Variants in SUPT3H observed in about 807,000 individuals in gnomAD.
SUPT3H encodes transcription initiation protein SPT3 homolog.
In SUPT3H, 44 loss-of-function variants were observed where a neutral mutation model predicts 44.3. That is an observed-to-expected ratio of 0.99 (90% CI 0.78 to 1.28). The LOEUF is 1.28. Ranked by LOEUF, SUPT3H falls within the 50% of genes most tolerant of loss-of-function variation. The probability of loss-of-function intolerance (pLI) is 0.00; values close to 1 mark genes in which losing one functional copy is unlikely to be tolerated. For missense variants in SUPT3H, 380 were observed against 387.1 expected, an observed-to-expected ratio of 0.98 and a Z score of 0.15; for synonymous variants, 124 against 125.6, an observed-to-expected ratio of 0.99 and a Z score of 0.09.
chr6:44,840,128 C>T lies in SUPT3H; in HGVS notation c.913-10271G>A, dbSNP rs569369512. Among the ~76,000 whole-genome samples, 11 of 152,326 alleles carry T rather than the reference C, an allele frequency of 7.2e-5. 1 individual carries two copies. The South Asian group carries it at 1.0e-3, about 14-fold the overall frequency. ...TGTTATATTTCAATAACTTTTACTG[C>T]GATTTCTTGAGGACCAGCTGCATAA... On this transcript the variant is annotated intron_variant, in intron 10 of 10. Transcript: ENST00000371459.
At chr6:45,018,895 T>C (rs574905004) in intron 4 of SUPT3H, among the ~76,000 whole-genome samples, 3 of 152,188 alleles carry the variant, frequency 2.0e-5, no homozygotes, top group East Asian at 3.9e-4. Flanking sequence ...TCTTTTTCTA[T>C]TGATTGGAAT....
chr6:45,322,998 C>T, intron 2 of SUPT3H: 1 of 1,386,272 alleles, frequency 7.2e-7, no homozygotes, highest in Non-Finnish European at 1.0e-6. Context: ...AACAATTAAG[C>T]AAATCATCCT....
intron 9 of SUPT3H, among the ~76,000 whole-genome samples, chr6:44,940,148 G>C (rs1475157123): frequency 6.6e-6 from 1 of 151,694 alleles, no homozygotes; most frequent in East Asian, 1.9e-4. Context: ...TCATCAATTT[G>C]GGATCTTTCT....
intron 2 of SUPT3H, among the ~76,000 whole-genome samples, chr6:45,178,860 A>C (rs905423556): frequency 1.3e-5 from 2 of 152,014 alleles, no homozygotes; most frequent in African/African-American, 4.8e-5. Flanking sequence ...ATGCTCTTTG[A>C]AACCAACGAG....
intron 2 of SUPT3H, among the ~76,000 whole-genome samples, chr6:45,226,452 T>A (rs987315470): frequency 6.6e-6 from 1 of 152,262 alleles, no homozygotes; most frequent in Non-Finnish European, 1.5e-5. Context: ...TATTAAATTG[T>A]CATGCTTTGG....
chr6:45,002,434 T>C (rs1782128431), intron 6 of SUPT3H, among the ~76,000 whole-genome samples: 1 of 152,032 alleles, frequency 6.6e-6, no homozygotes, highest in African/African-American at 2.4e-5. Flanking sequence ...TATGCTTTAT[T>C]CCTTAATGAA....
At chr6:45,009,189 A>G (rs1336534257) in intron 5 of SUPT3H, among the ~76,000 whole-genome samples, 1 of 152,168 alleles carries the variant, frequency 6.6e-6, no homozygotes, top group Non-Finnish European at 1.5e-5. Flanking sequence ...CCTATCAGAT[A>G]TATAAGAAAA....
At chr6:44,868,332 T>G (rs1281159929) in intron 10 of SUPT3H, among the ~76,000 whole-genome samples, 2 of 152,176 alleles carry the variant, frequency 1.3e-5, no homozygotes, top group African/African-American at 4.8e-5. Context: ...AAACGTAAAG[T>G]AAAATTTAAA....
chr6:45,012,920 A>C (rs1783708258), intron 5 of SUPT3H, among the ~76,000 whole-genome samples: 1 of 152,114 alleles, frequency 6.6e-6, no homozygotes, highest in Non-Finnish European at 1.5e-5. Context: ...AGCCTTGAGT[A>C]TGCAAACAAT....
chr6:45,069,742 A>G (rs116490605), intron 3 of SUPT3H, among the ~76,000 whole-genome samples: 1 of 152,200 alleles, frequency 6.6e-6, no homozygotes, highest in Admixed American at 6.5e-5. Flanking sequence ...TATATTTTGC[A>G]GAGAACTCTT....
At chr6:44,879,742 T>C (rs1777911460) in intron 10 of SUPT3H, among the ~76,000 whole-genome samples, 2 of 152,124 alleles carry the variant, frequency 1.3e-5, no homozygotes, top group South Asian at 4.1e-4. Flanking sequence ...CAGGCAGCAA[T>C]CTTTGCTGTT....
intron 2 of SUPT3H, among the ~76,000 whole-genome samples, chr6:45,255,742 G>A (rs570997355): frequency 3.9e-5 from 6 of 152,080 alleles, no homozygotes; most frequent in African/African-American, 1.4e-4. Flanking sequence ...ACTATTATTG[G>A]CACCATGTTT....
At chr6:45,322,067 C>T (rs980860878) in intron 2 of SUPT3H, among the ~76,000 whole-genome samples, 1 of 151,930 alleles carries the variant, frequency 6.6e-6, no homozygotes, top group African/African-American at 2.4e-5. Context: ...TCCAATGCAG[C>T]ATTTTATAAA....
In SUPT3H at chr6:44,829,766, T is replaced by C. The variant is rs1339880988; in HGVS notation, c.*50A>G. On this transcript the variant is annotated 3_prime_UTR_variant, in exon 11 of 11. Transcript: ENST00000371459. ...TTATTTTGTTCACAAGAAATCACCT[T>C]AATATAACATTGCCTTTCCTGTTGT... 7.5e-6 allele frequency: 12 copies of C among 1,593,136 alleles called. No homozygotes were observed. The highest frequency in any genetic ancestry group is 1.0e-5 in the Non-Finnish European group (12 of 1,164,644).
At chr6:44,985,662 G>C (rs368597237) in intron 6 of SUPT3H, among the ~76,000 whole-genome samples, 1 of 152,128 alleles carries the variant, frequency 6.6e-6, no homozygotes, top group African/African-American at 2.4e-5. Flanking sequence ...GCAAAATTCT[G>C]AAAGCATAAA....
intron 2 of SUPT3H, among the ~76,000 whole-genome samples, chr6:45,122,169 A>G (rs1490989836): frequency 1.3e-5 from 2 of 152,226 alleles, no homozygotes; most frequent in Non-Finnish European, 2.9e-5. Context: ...ATTACGCTGT[A>G]AAATGCTAGA....
chr6:45,059,037 A>G (rs1020364746), intron 3 of SUPT3H, among the ~76,000 whole-genome samples: 3 of 152,238 alleles, frequency 2.0e-5, no homozygotes, highest in Non-Finnish European at 4.4e-5. Flanking sequence ...CATCAGGAGG[A>G]TAAGATCTGA....
At chr6:45,337,766 T>G (rs1233644973) in intron 2 of SUPT3H, among the ~76,000 whole-genome samples, 1 of 151,966 alleles carries the variant, frequency 6.6e-6, no homozygotes, top group Non-Finnish European at 1.5e-5. Flanking sequence ...CCACTGTTGG[T>G]TGTTATGTTT....
chr6:45,252,099 G>T (rs540080251), intron 2 of SUPT3H, among the ~76,000 whole-genome samples: 2 of 152,210 alleles, frequency 1.3e-5, no homozygotes, highest in East Asian at 3.9e-4. Context: ...AAGAATGGAT[G>T]AGAAAATACT....
Sources: gnomAD v4.1 joint callset for allele counts (sites outside exome capture counted in the v4.1 genomes callset) on GRCh38, gnomAD v4.1.1 for gene constraint, MANE v1.5 for transcripts, NCBI Gene and HGNC (gene_info 2026-07-23, HGNC 2026-07-21) for gene names.